The following EHMT1 variants were observed in gnomAD, a reference collection of about 807,000 sequenced individuals.
EHMT1 encodes euchromatic histone lysine methyltransferase 1.
A neutral mutation model predicts 147.2 loss-of-function variants in EHMT1; 15 were observed. The ratio of observed to expected loss-of-function variants is 0.10; its 90% confidence interval spans 0.07 to 0.16. EHMT1 has a LOEUF of 0.16. Among genes scored for constraint, EHMT1 ranks in the 10% least tolerant of loss-of-function variants. The probability of loss-of-function intolerance (pLI) is 1.00; values close to 1 mark genes in which losing one functional copy is unlikely to be tolerated. For synonymous variants in EHMT1, 795 were observed against 709.6 expected (o/e 1.12, Z -1.91); for missense variants, 1,587 against 1,772.4 (o/e 0.90, Z 1.88).
At chr9:137,721,087 G>A (rs1423978564) in intron 3 of EHMT1, among the ~76,000 whole-genome samples, 2 of 151,752 alleles carry the variant, frequency 1.3e-5, no homozygotes, top group South Asian at 2.1e-4. Flanking sequence ...TTTCCTCGAG[G>A]CTTCAGCGTG....
intron 1 of EHMT1, among the ~76,000 whole-genome samples, chr9:137,673,798 G>T (rs1358289445): frequency 1.3e-5 from 2 of 152,234 alleles, no homozygotes; most frequent in Non-Finnish European, 2.9e-5. Context: ...GAATTGAAAA[G>T]ATGGAAAATG....
At chr9:137,774,203 G>A (rs1950775967) in intron 10 of EHMT1, among the ~76,000 whole-genome samples, 1 of 152,242 alleles carries the variant, frequency 6.6e-6, no homozygotes, top group African/African-American at 2.4e-5. Context: ...CATGTTTCCT[G>A]GATACCCAGC....
At chr9:137,808,054 T>C (rs1197917985) in intron 18 of EHMT1, among the ~76,000 whole-genome samples, 1 of 152,190 alleles carries the variant, frequency 6.6e-6, no homozygotes. Flanking sequence ...AGTCAGATCA[T>C]GTTGGATTTT....
intron 26 of EHMT1, 46 bp downstream of exon 26, chr9:137,834,570 G>A: frequency 1.9e-6 from 3 of 1,606,572 alleles, no homozygotes; most frequent in Non-Finnish European, 2.5e-6. Context: ...CCGGCGGGAC[G>A]GTTTTAGGAA....
intron 22 of EHMT1, chr9:137,814,756 T>G (rs981286723): frequency 6.7e-6 from 4 of 595,148 alleles, no homozygotes; most frequent in Non-Finnish European, 9.0e-6. Flanking sequence ...GCCTGGATGG[T>G]GGCGGGGGTG....
At chr9:137,642,777 A>G (rs1844587053) in intron 1 of EHMT1, among the ~76,000 whole-genome samples, 1 of 152,220 alleles carries the variant, frequency 6.6e-6, no homozygotes, top group Non-Finnish European at 1.5e-5. Flanking sequence ...CAAATCATAT[A>G]GGAGAAAAAA....
At chr9:137,692,535 G>C (rs1282775205) in intron 1 of EHMT1, among the ~76,000 whole-genome samples, 1 of 151,862 alleles carries the variant, frequency 6.6e-6, no homozygotes, top group Non-Finnish European at 1.5e-5. Flanking sequence ...CAAAGTGCTG[G>C]TATTACAGAC....
intron 10 of EHMT1, among the ~76,000 whole-genome samples, chr9:137,765,085 C>T (rs189880912): frequency 9.8e-4 from 149 of 152,350 alleles, no homozygotes; most frequent in African/African-American, 3.4e-3. Flanking sequence ...CCTGTCCGCC[C>T]GAAGGCGGTA....
At chr9:137,684,506 T>G (rs955549631) in intron 1 of EHMT1, among the ~76,000 whole-genome samples, 7 of 152,166 alleles carry the variant, frequency 4.6e-5, no homozygotes, top group African/African-American at 1.7e-4. Flanking sequence ...TTTGATTTTG[T>G]TTTGAGATGG....
At chr9:137,663,987 T>G (rs1939359273) in intron 1 of EHMT1, among the ~76,000 whole-genome samples, 1 of 152,228 alleles carries the variant, frequency 6.6e-6, no homozygotes, top group Admixed American at 6.5e-5. Context: ...TCTGCAAAAA[T>G]TTATCTTACA....
At chr9:137,716,564 G>C in intron 2 of EHMT1, 62 bp from the exon 3 acceptor site, 1 of 1,487,960 alleles carries the variant, frequency 6.7e-7, no homozygotes, top group South Asian at 1.3e-5. Flanking sequence ...GGAAGTGGTG[G>C]TGGTGGTGGT....
intron 4 of EHMT1, among the ~76,000 whole-genome samples, chr9:137,738,211 A>C (rs564442116): frequency 1.8e-4 from 27 of 150,944 alleles, no homozygotes; most frequent in African/African-American, 4.2e-4. Flanking sequence ...ACAACAACAA[A>C]AAAAAAACAA....
chr9:137,816,695 C>G (rs1954945464), intron 23 of EHMT1: 1 of 164,904 alleles, frequency 6.1e-6, no homozygotes. Flanking sequence ...GTTATGCACA[C>G]TTAAATTTAG....
chr9:137,661,341 T>A (rs1457136985), intron 1 of EHMT1, among the ~76,000 whole-genome samples: 1 of 152,172 alleles, frequency 6.6e-6, no homozygotes, highest in Non-Finnish European at 1.5e-5. Context: ...ATTTTTTTAA[T>A]ACTTGAAAAC....
intron 25 of EHMT1, among the ~76,000 whole-genome samples, chr9:137,826,621 T>C (rs1382543075): frequency 6.6e-6 from 1 of 152,232 alleles, no homozygotes; most frequent in Non-Finnish European, 1.5e-5. Context: ...GCCTGGCTCA[T>C]GGAGGGACCC....
intron 1 of EHMT1, among the ~76,000 whole-genome samples, chr9:137,623,815 AT>A (rs1843087845): frequency 6.6e-6 from 1 of 152,012 alleles, no homozygotes; most frequent in African/African-American, 2.4e-5. Context: ...TTCAGTTTTC[AT>A]TGTTGCTCTT....
intron 1 of EHMT1, among the ~76,000 whole-genome samples, chr9:137,698,188 A>C (rs1943557669): frequency 6.6e-6 from 1 of 152,160 alleles, no homozygotes; most frequent in African/African-American, 2.4e-5. Flanking sequence ...TGGTTTGTTG[A>C]CAAAACGTGG....
chr9:137,806,438 C>G (rs917716184), intron 18 of EHMT1, among the ~76,000 whole-genome samples: 1 of 151,254 alleles, frequency 6.6e-6, no homozygotes, highest in Admixed American at 6.6e-5. Context: ...TGAGCTCTTG[C>G]AGCTTTTTTT....
chr9:137,810,100 T>C lies in EHMT1; in HGVS notation c.2713-1361T>C, dbSNP rs1225429003. Among the ~76,000 whole-genome samples the C allele has an allele frequency of 8.5e-4, 80 of 93,696 alleles. 1 individual carries two copies. Among genetic ancestry groups the C allele is most frequent in the Admixed American group, 1.9e-3 (18 of 9,688 alleles). The allele number at this position is 93,696 out of a possible 152,430, so 61.5% of individuals were successfully genotyped here. On this transcript the variant is annotated intron_variant, in intron 18 of 26. Transcript: ENST00000460843. ...CGGAGGCGGTTCGGATGCCGCCCTG[T>C]GTGGACCGTCGGTGATGGGTCCGGA...
Sources: gnomAD v4.1 joint callset for allele counts (sites outside exome capture counted in the v4.1 genomes callset) on GRCh38, gnomAD v4.1.1 for gene constraint, MANE v1.5 for transcripts, NCBI Gene and HGNC (gene_info 2026-07-23, HGNC 2026-07-21) for gene names.